The following SEMA3A variants were observed in gnomAD, a reference collection of about 807,000 sequenced individuals.
SEMA3A encodes the protein semaphorin 3A.
In SEMA3A, 29 loss-of-function variants were observed where a neutral mutation model predicts 97.9. That is an observed-to-expected ratio of 0.30 (90% confidence interval 0.22 to 0.40). The LOEUF is 0.40. Ranked by LOEUF, SEMA3A falls within the 10% of genes least tolerant of loss-of-function variation. The pLI is 1.00. For synonymous variants in SEMA3A, 321 were observed against 323.7 expected, an observed-to-expected ratio of 0.99 and a Z score of 0.09; for missense variants, 763 against 951.3, an observed-to-expected ratio of 0.80 and a Z score of 2.60.
At chr7:84,377,731 A>G (rs540519205) in intron 1 of SEMA3A, among the ~76,000 whole-genome samples, 4 of 152,284 alleles carry the variant, frequency 2.6e-5, no homozygotes, top group South Asian at 2.1e-4. Flanking sequence ...TTAGATTTTT[A>G]TTCACTGATC....
At chr7:84,167,743 T>C (rs949060428) in intron 1 of SEMA3A, among the ~76,000 whole-genome samples, 4 of 152,318 alleles carry the variant, frequency 2.6e-5, no homozygotes, top group East Asian at 1.9e-4. Flanking sequence ...TTTCTTCATT[T>C]TTCTAGTTCA....
At chr7:84,082,483 T>C (rs758301681) in intron 4 of SEMA3A, among the ~76,000 whole-genome samples, 1 of 152,140 alleles carries the variant, frequency 6.6e-6, no homozygotes, top group Non-Finnish European at 1.5e-5. Context: ...AATATTATAA[T>C]CATAACTCCA....
chr7:84,167,684 G>A (rs1401129636), intron 1 of SEMA3A, among the ~76,000 whole-genome samples: 3 of 152,082 alleles, frequency 2.0e-5, no homozygotes. Flanking sequence ...ATAATTATCT[G>A]GTACAGGCTT....
intron 1 of SEMA3A, among the ~76,000 whole-genome samples, chr7:84,145,348 C>T (rs1562811170): frequency 6.6e-6 from 1 of 152,074 alleles, no homozygotes; most frequent in Non-Finnish European, 1.5e-5. Context: ...CTAGAACCTA[C>T]TCCTGGCGTA....
intron 1 of SEMA3A, among the ~76,000 whole-genome samples, chr7:84,424,697 G>GAT (rs1804726056): frequency 1.6e-5 from 1 of 63,274 alleles, no homozygotes; most frequent in African/African-American, 8.2e-5. Flanking sequence ...ATAATATATT[G>GAT]ATATCAATAT....
chr7:84,172,426 C>CT (rs1197290009), intron 1 of SEMA3A, among the ~76,000 whole-genome samples: 10 of 151,868 alleles, frequency 6.6e-5, no homozygotes, highest in African/African-American at 2.2e-4. Context: ...TTTTTCTTTT[C>CT]TTTTTTTCTT....
chr7:84,294,111 A>G (rs561563790), intron 3 of SEMA3A, among the ~76,000 whole-genome samples: 12 of 152,008 alleles, frequency 7.9e-5, no homozygotes, highest in Admixed American at 4.6e-4. Context: ...AACATTTTGT[A>G]TATTTTTGGA....
chr7:84,171,913 T>C (rs1427712345), intron 1 of SEMA3A, among the ~76,000 whole-genome samples: 1 of 152,200 alleles, frequency 6.6e-6, no homozygotes, highest in Non-Finnish European at 1.5e-5. Flanking sequence ...CATATCAGGC[T>C]GCTTCAAACA....
upstream of SEMA3A, among the ~76,000 whole-genome samples, chr7:84,197,041 G>A (rs180925882): frequency 6.6e-6 from 1 of 152,082 alleles, no homozygotes; most frequent in East Asian, 1.9e-4. Context: ...AGATAAAAGA[G>A]GGTCAAAAAT....
At position 83,960,067 on chromosome 7, in the gene SEMA3A, A is replaced by T. The variant is rs1788408223; in HGVS notation, c.*1304T>A. On this transcript the variant is annotated 3_prime_UTR_variant, in exon 17 of 17. Transcript: ENST00000265362. ...ATAATTGTCTTAAATAAGGAAAGGTAAGAGGCACCTGATACAGATGTAAAT... is the reference window on the plus strand; with the variant it reads ...ATAATTGTCTTAAATAAGGAAAGGTTAGAGGCACCTGATACAGATGTAAAT... 6.6e-6 allele frequency: 1 copy of T among 152,074 alleles called. No individual in the cohort carries two copies. Among genetic ancestry groups the T allele is most frequent in the East Asian group, 1.9e-4 (1 of 5,200 alleles). 9.4% of individuals were successfully genotyped at this position (152,074 alleles called of 1,614,324 possible).
rs150564898 is a variant in SEMA3A at position 84,090,793 on chromosome 7, G to A, written c.453+19677C>T. Among the ~76,000 whole-genome samples, 260 of 152,104 alleles carry A rather than the reference G, an allele frequency of 1.7e-3. 3 individuals carry two copies. The highest frequency in any genetic ancestry group is 5.9e-3 in the African/African-American group (247 of 41,518). ...AGAAAATTGTGTAGGTTGGCCGGGCGTGGTGGCTCACGCCTGTAATCCTAG... is the reference window on the plus strand; with the variant it reads ...AGAAAATTGTGTAGGTTGGCCGGGCATGGTGGCTCACGCCTGTAATCCTAG... On this transcript the variant is annotated intron_variant, in intron 4 of 16. Transcript: ENST00000265362.
chr7:84,293,399 T>G (rs1800797430), intron 3 of SEMA3A, among the ~76,000 whole-genome samples: 1 of 152,052 alleles, frequency 6.6e-6, no homozygotes, highest in Admixed American at 6.6e-5. Flanking sequence ...CATGAATCAA[T>G]AATTTTTTTT....
At chr7:84,406,207 C>T (rs1466053006) in intron 1 of SEMA3A, among the ~76,000 whole-genome samples, 5 of 151,868 alleles carry the variant, frequency 3.3e-5, no homozygotes, top group African/African-American at 4.8e-5. Context: ...TAAAAAATGA[C>T]AAAGGGGATA....
At position 84,340,744 on chromosome 7, in the gene SEMA3A, C is replaced by A. The variant is rs549152571; in HGVS notation, c.-169+31080G>T. Reference sequence around the variant, plus strand: ...GGAGTGAGCCGAGATCACACCATTGCACTCCAGCCTGGGCAATAAGAGCGA... The same window carrying A: ...GGAGTGAGCCGAGATCACACCATTGAACTCCAGCCTGGGCAATAAGAGCGA... On this transcript the variant is annotated intron_variant, in intron 2 of 3. Coordinates refer to the SEMA3A transcript ENST00000424555. Among the ~76,000 whole-genome samples the A allele has an allele frequency of 6.8e-5, 10 of 147,746 alleles. No individual in the cohort carries two copies. The East Asian group carries it at 2.0e-3, about 29-fold the overall frequency.
rs560024777 is a variant in SEMA3A, at chr7:84,319,053, T to C, written c.-168-11761A>G. ...ATTATAATTCAAGGACTGTTCAAAA[T>C]GCCTAATACCTATTGGTTATTTTAA... On this transcript the variant is annotated intron_variant, in intron 2 of 3. Transcript: ENST00000424555. Among the ~76,000 whole-genome samples, 5 of 152,292 alleles carry C rather than the reference T, an allele frequency of 3.3e-5. 1 individual carries two copies. Among genetic ancestry groups the C allele is most frequent in the African/African-American group, 1.2e-4 (5 of 41,570 alleles).
chr7:84,188,966 A>G (rs1797962623), intron 1 of SEMA3A, among the ~76,000 whole-genome samples: 1 of 151,828 alleles, frequency 6.6e-6, no homozygotes, highest in Non-Finnish European at 1.5e-5. Flanking sequence ...TTCTGTGCAT[A>G]TTTACCCTAG....
intron 1 of SEMA3A, among the ~76,000 whole-genome samples, chr7:84,167,283 A>G (rs1420828656): frequency 1.3e-5 from 2 of 152,100 alleles, no homozygotes; most frequent in Non-Finnish European, 2.9e-5. Context: ...AATTCTTACA[A>G]TATATCACAG....
chr7:84,490,423 T>A (rs1806693191), intron 1 of SEMA3A, among the ~76,000 whole-genome samples: 1 of 152,152 alleles, frequency 6.6e-6, no homozygotes, highest in Non-Finnish European at 1.5e-5. Flanking sequence ...AAGCCTAGGT[T>A]AAAAAATCAG....
intron 2 of SEMA3A, among the ~76,000 whole-genome samples, chr7:84,331,895 C>T (rs1307647305): frequency 6.6e-6 from 1 of 152,064 alleles, no homozygotes; most frequent in Admixed American, 6.6e-5. Context: ...AGAGCCTGTT[C>T]AACCCCACTG....
Sources: allele counts gnomAD v4.1 joint callset (sites outside exome capture counted in the v4.1 genomes callset), GRCh38; gene constraint gnomAD v4.1.1; transcripts MANE v1.5; gene names NCBI Gene and HGNC (gene_info 2026-07-23, HGNC 2026-07-21).